MMP26: variants seen among roughly 807,000 people sequenced by gnomAD.
MMP26 encodes matrix metalloproteinase-26.
A neutral mutation model predicts 31.0 loss-of-function variants in MMP26; 33 were observed. The observed-to-expected ratio is 1.06, with a 90% CI of 0.81 to 1.42. The LOEUF is 1.42. Ranked by LOEUF, MMP26 falls within the 40% of genes most tolerant of loss-of-function variation. The pLI is 0.00. For missense variants in MMP26, 347 were observed against 316.1 expected, an observed-to-expected ratio of 1.10 and a Z score of -0.74; for synonymous variants, 122 against 114.9, an observed-to-expected ratio of 1.06 and a Z score of -0.40.
chr11:4,992,341 G>C lies in MMP26; in HGVS notation c.*99G>C. ...GAGCAGCCTTGGGGACTGCTAGGAT[G>C]AAGCCCTAAAGAATGCAACCTAGTC... On this transcript the variant is annotated 3_prime_UTR_variant, in exon 8 of 8. Coordinates refer to ENST00000380390, the MANE Select transcript of MMP26 (RefSeq NM_021801.5). 8.1e-7 allele frequency: 1 copy of C among 1,237,056 alleles called. No individual in the cohort carries two copies. Among genetic ancestry groups the C allele is most frequent in the African/African-American group, 1.5e-5 (1 of 65,576 alleles). The allele number at this position is 1,237,056 out of a possible 1,614,324, so 76.6% of individuals were successfully genotyped here. A position where few individuals can be genotyped will look rare whatever the true frequency, so the allele number is the denominator to read the frequency against.
chr11:4,919,720 G>T (rs1475536259), intron 2 of MMP26, among the ~76,000 whole-genome samples: 2 of 152,154 alleles, frequency 1.3e-5, no homozygotes, highest in Non-Finnish European at 2.9e-5. Flanking sequence ...AATCATAAGT[G>T]AATTTAAAAA....
chr11:4,875,841 G>A (rs1254376674), intron 2 of MMP26: 1 of 152,084 alleles, frequency 6.6e-6, no homozygotes, highest in African/African-American at 2.4e-5. Context: ...ACCACAGTAG[G>A]TCTTTTTAAA....
At chr11:4,850,454 CCT>C (rs1195475600) in intron 2 of MMP26, among the ~76,000 whole-genome samples, 2 of 152,118 alleles carry the variant, frequency 1.3e-5, no homozygotes, top group African/African-American at 4.8e-5. Context: ...ATTAGCTTCT[CCT>C]CACATGTAAT....
chr11:4,752,454 C>A (rs981125850), intron 1 of MMP26: 1 of 152,594 alleles, frequency 6.6e-6, no homozygotes, highest in Non-Finnish European at 1.5e-5. Flanking sequence ...GTAGGAGTGG[C>A]AGAGCACGTG....
chr11:4,986,936 T>TCTCTCTCTCTCTCTCTCTCTCTCTCCCC, intron 2 of MMP26, among the ~76,000 whole-genome samples: 1 of 113,134 alleles, frequency 8.8e-6, no homozygotes, highest in East Asian at 3.9e-4. Context: ...TCTCTCCCTC[T>TCTCTCTCTCTCTCTCTCTCTCTCTCCCC]CTCTCTCTCT....
chr11:4,874,512 A>G (rs1850353562), intron 2 of MMP26, among the ~76,000 whole-genome samples: 1 of 151,600 alleles, frequency 6.6e-6, no homozygotes, highest in Admixed American at 6.6e-5. Flanking sequence ...AAATATCTGA[A>G]TTCACTTAAT....
chr11:4,867,593 G>A (rs1850254400), intron 2 of MMP26, among the ~76,000 whole-genome samples: 1 of 151,900 alleles, frequency 6.6e-6, no homozygotes, highest in Non-Finnish European at 1.5e-5. Context: ...GTTTCACCAT[G>A]TTGGCTAAGC....
intron 2 of MMP26, chr11:4,907,319 T>G: frequency 7.7e-7 from 1 of 1,295,952 alleles, no homozygotes; most frequent in Non-Finnish European, 1.1e-6. Flanking sequence ...CATGACTGCT[T>G]TTCATTTATA....
intron 2 of MMP26, among the ~76,000 whole-genome samples, chr11:4,795,604 G>T (rs931427026): frequency 6.6e-6 from 1 of 152,088 alleles, no homozygotes; most frequent in Admixed American, 6.6e-5. Context: ...CATTTCAAAG[G>T]TTAAATGTCC....
At chr11:4,847,380 G>T (rs1849886762) in intron 2 of MMP26, 1 of 152,144 alleles carries the variant, frequency 6.6e-6, no homozygotes, top group African/African-American at 2.4e-5. Context: ...TCACTAAACA[G>T]ATAATTATAG....
chr11:4,836,651 CTTTTTTTT>C (rs71480270), intron 2 of MMP26, among the ~76,000 whole-genome samples: 1 of 95,960 alleles, frequency 1.0e-5, no homozygotes, highest in Non-Finnish European at 2.1e-5. Context: ...TCAAAGACAT[CTTTTTTTT>C]TTTTTTTTTT....
At chr11:4,821,943 G>T (rs770975371) in intron 2 of MMP26, 4 of 1,613,922 alleles carry the variant, frequency 2.5e-6, no homozygotes, top group Non-Finnish European at 3.4e-6. Flanking sequence ...GCAGTTCTAT[G>T]GTCCTTTCAC....
intron 2 of MMP26, among the ~76,000 whole-genome samples, chr11:4,955,923 A>T (rs567770500): frequency 1.3e-5 from 2 of 152,366 alleles, no homozygotes; most frequent in Admixed American, 1.3e-4. Context: ...TTTAGAGTAG[A>T]ATCTGTCTAT....
chr11:4,992,366 C>T lies in MMP26; in HGVS notation c.*124C>T. On this transcript the variant is annotated 3_prime_UTR_variant, in exon 8 of 8. Transcript: ENST00000380390. ...GAAGCCCTAAAGAATGCAACCTAGT[C>T]AGGTTAGCTGAACCGACACTCAAAA... The T allele has an allele frequency of 2.3e-6, 2 of 881,346 alleles. No individual in the cohort carries two copies. Among genetic ancestry groups the T allele is most frequent in the Non-Finnish European group, 3.5e-6 (2 of 571,732 alleles). 54.6% of individuals were successfully genotyped at this position (881,346 alleles called of 1,614,324 possible). A position where few individuals can be genotyped will look rare whatever the true frequency, so the allele number is the denominator to read the frequency against.
intron 2 of MMP26, chr11:4,907,330 T>C (rs1207553173): frequency 4.4e-6 from 6 of 1,365,082 alleles, no homozygotes; most frequent in Non-Finnish European, 6.2e-6. Flanking sequence ...TTCATTTATA[T>C]GGTTTCAGAT....
At chr11:4,826,566 C>T (rs1849580883) in intron 2 of MMP26, among the ~76,000 whole-genome samples, 1 of 152,032 alleles carries the variant, frequency 6.6e-6, no homozygotes, top group South Asian at 2.1e-4. Flanking sequence ...CTGGAGGAAC[C>T]ACACAGAGCC....
intron 2 of MMP26, chr11:4,863,684 C>G (rs186924737): frequency 6.6e-6 from 1 of 152,114 alleles, no homozygotes; most frequent in Non-Finnish European, 1.5e-5. Flanking sequence ...GCATGTAGAG[C>G]CTTTATAAAG....
intron 1 of MMP26, among the ~76,000 whole-genome samples, chr11:4,707,520 TAA>T (rs1288192783): frequency 6.6e-6 from 1 of 152,202 alleles, no homozygotes; most frequent in Non-Finnish European, 1.5e-5. Flanking sequence ...ATTTTTAAAA[TAA>T]AGAGTGTATG....
At chr11:4,742,293 A>G (rs1057279032) in intron 1 of MMP26, among the ~76,000 whole-genome samples, 6 of 152,216 alleles carry the variant, frequency 3.9e-5, no homozygotes, top group Non-Finnish European at 7.3e-5. Flanking sequence ...GTGGAATTAT[A>G]GTGTGGATAG....
Sources: gnomAD v4.1 joint callset for allele counts (sites outside exome capture counted in the v4.1 genomes callset) on GRCh38, gnomAD v4.1.1 for gene constraint, MANE v1.5 for transcripts, NCBI Gene and HGNC (gene_info 2026-07-23, HGNC 2026-07-21) for gene names.